R3HDM1: variants seen among roughly 807,000 people sequenced by gnomAD.
R3HDM1 encodes R3H domain containing 1.
In R3HDM1, 46 loss-of-function variants were observed where a neutral mutation model predicts 141.1. The ratio of observed to expected loss-of-function variants is 0.33; its 90% CI spans 0.26 to 0.42. The LOEUF (loss-of-function observed/expected upper bound fraction) is 0.42. R3HDM1 is among the 10% of genes least tolerant of loss of function. R3HDM1 has a pLI of 1.00. For missense variants in R3HDM1, 1,184 were observed against 1,368.3 expected, an observed-to-expected ratio of 0.87 and a Z score of 2.12; for synonymous variants, 435 against 472.9, an observed-to-expected ratio of 0.92 and a Z score of 1.04.
chr2:135,547,130 G>C (rs1478316953), intron 1 of R3HDM1, among the ~76,000 whole-genome samples: 5 of 152,126 alleles, frequency 3.3e-5, no homozygotes, highest in Non-Finnish European at 5.9e-5. Flanking sequence ...CAGTATGCTT[G>C]ACAAATTATA....
At chr2:135,671,390 A>G (rs142332975) in intron 19 of R3HDM1, among the ~76,000 whole-genome samples, 6 of 151,944 alleles carry the variant, frequency 3.9e-5, no homozygotes, top group African/African-American at 9.7e-5. Context: ...TTTTTTTAAG[A>G]TGGAGTTTCG....
chr2:135,711,252 C>T (rs1285966869), intron 23 of R3HDM1, among the ~76,000 whole-genome samples: 1 of 152,154 alleles, frequency 6.6e-6, no homozygotes, highest in Non-Finnish European at 1.5e-5. Context: ...CAAATTGGCC[C>T]TGTTACTTGA....
At chr2:135,622,849 A>G in intron 7 of R3HDM1, 117 bp downstream of exon 7, 1 of 1,347,204 alleles carries the variant, frequency 7.4e-7, no homozygotes, top group Non-Finnish European at 9.6e-7. Context: ...GAAGTACACC[A>G]GAAACATTTT....
At chr2:135,584,586 G>A (rs956498536) in intron 1 of R3HDM1, among the ~76,000 whole-genome samples, 4 of 152,046 alleles carry the variant, frequency 2.6e-5, no homozygotes, top group East Asian at 1.9e-4. Flanking sequence ...CTAAATTAAC[G>A]GTTTATTATC....
At chr2:135,615,522 G>A (rs1035147685) in intron 3 of R3HDM1, among the ~76,000 whole-genome samples, 7 of 152,172 alleles carry the variant, frequency 4.6e-5, no homozygotes, top group African/African-American at 1.7e-4. Context: ...CTCCAATCAT[G>A]TGACTGATGG....
At chr2:135,619,790 A>T (rs1177487958) in intron 5 of R3HDM1, 2 of 878,216 alleles carry the variant, frequency 2.3e-6, no homozygotes, top group Non-Finnish European at 2.7e-6. Flanking sequence ...TCATTATTCA[A>T]AAAGTTGAGA....
chr2:135,567,258 G>C (rs149890699), intron 1 of R3HDM1, among the ~76,000 whole-genome samples: 1 of 152,258 alleles, frequency 6.6e-6, no homozygotes. Flanking sequence ...GGTCCAGTTA[G>C]AGCCCAATAT....
intron 16 of R3HDM1, among the ~76,000 whole-genome samples, chr2:135,646,892 AAAG>A (rs201096096): frequency 5.9e-4 from 87 of 146,586 alleles, no homozygotes; most frequent in Non-Finnish European, 1.0e-3. Flanking sequence ...AAAAAAAAAA[AAAG>A]AAGAAGTATG....
chr2:135,607,784 G>A, intron 3 of R3HDM1: 1 of 905,068 alleles, frequency 1.1e-6, no homozygotes, highest in Non-Finnish European at 1.3e-6. Flanking sequence ...TTGCATCATG[G>A]CCCAGTTGTT....
intron 5 of R3HDM1, among the ~76,000 whole-genome samples, chr2:135,617,168 T>A (rs904384371): frequency 2.0e-5 from 3 of 151,488 alleles, no homozygotes; most frequent in Non-Finnish European, 4.4e-5. Context: ...CTAAAAAAAA[T>A]ACAAAAAAAT....
chr2:135,672,022 A>G (rs1171889718), intron 19 of R3HDM1, among the ~76,000 whole-genome samples: 1 of 152,112 alleles, frequency 6.6e-6, no homozygotes, highest in African/African-American at 2.4e-5. Flanking sequence ...AACTAACCAG[A>G]AATGTTTATG....
chr2:135,604,077 G>A (rs2105110056), intron 2 of R3HDM1, among the ~76,000 whole-genome samples: 1 of 152,202 alleles, frequency 6.6e-6, no homozygotes, highest in Admixed American at 6.5e-5. Context: ...CCATATTCTA[G>A]AGTGCCTGGA....
At chr2:135,537,406 C>T (rs980704311) in intron 1 of R3HDM1, among the ~76,000 whole-genome samples, 11 of 149,714 alleles carry the variant, frequency 7.3e-5, no homozygotes, top group African/African-American at 2.2e-4. Flanking sequence ...CTTCCTCAGC[C>T]CCCCCAAGTA....
intron 21 of R3HDM1, among the ~76,000 whole-genome samples, chr2:135,683,891 C>G (rs910478165): frequency 8.6e-5 from 13 of 151,884 alleles, no homozygotes. Flanking sequence ...AGGGGTTGAT[C>G]TAATTACTGA....
In R3HDM1 at chr2:135,699,024, TAGATAGATAGATAGATA is replaced by T. The variant is rs1559465509; in HGVS notation, c.2460-10408_2460-10392del. ...ATAGATAGATAGATAGATAGATAGA[TAGATAGATAGATAGATA>T]GATAAGATAGATAAGATAGATTGAT... On this transcript the variant is annotated intron_variant, in intron 21 of 26. Transcript: ENST00000683871. 5.1e-5 allele frequency among the ~76,000 whole-genome samples: 5 copies of T among 97,612 alleles called. No individual in the cohort carries two copies. The East Asian group carries it at 1.1e-3, about 22-fold the overall frequency. The allele number at this position is 97,612 out of a possible 152,430, so 64.0% of individuals were successfully genotyped here. A position where few individuals can be genotyped will look rare whatever the true frequency, so the allele number is the denominator to read the frequency against.
chr2:135,581,350 C>T (rs1206931710), intron 1 of R3HDM1: 1 of 985,074 alleles, frequency 1.0e-6, no homozygotes, highest in Non-Finnish European at 1.2e-6. Context: ...CATTTCCCAC[C>T]TGTGGAACAT....
chr2:135,699,018 G>A (rs960283783), intron 21 of R3HDM1, among the ~76,000 whole-genome samples: 6 of 118,320 alleles, frequency 5.1e-5, no homozygotes, highest in Admixed American at 2.4e-4. Flanking sequence ...TAGATAGATA[G>A]ATAGATAGAT....
intron 1 of R3HDM1, among the ~76,000 whole-genome samples, chr2:135,550,819 A>G (rs567712305): frequency 1.4e-4 from 21 of 152,324 alleles, no homozygotes; most frequent in African/African-American, 4.3e-4. Flanking sequence ...AATCAAGTCA[A>G]TTAATGTGCC....
chr2:135,607,910 A>G, intron 3 of R3HDM1: 1 of 982,986 alleles, frequency 1.0e-6, no homozygotes, highest in Non-Finnish European at 1.2e-6. Context: ...CTTGTTTCCT[A>G]TAGCATAGCG....
Sources: allele counts gnomAD v4.1 joint callset (sites outside exome capture counted in the v4.1 genomes callset), GRCh38; gene constraint gnomAD v4.1.1; transcripts MANE v1.5; gene names NCBI Gene and HGNC (gene_info 2026-07-23, HGNC 2026-07-21).